The following ITFG1 variants were observed in gnomAD, a reference collection of about 807,000 sequenced individuals.
ITFG1 encodes the protein integrin alpha FG-GAP repeat containing 1, also known as T-cell immunomodulatory protein.
Under a neutral mutation model 81.8 loss-of-function variants are expected in ITFG1, and 34 were observed. The ratio of observed to expected loss-of-function variants is 0.42; its 90% CI spans 0.32 to 0.55. The LOEUF (loss-of-function observed/expected upper bound fraction) is 0.55. Among genes scored for constraint, ITFG1 ranks in the 20% least tolerant of loss-of-function variants. The pLI is 0.17. For synonymous variants in ITFG1, 285 were observed against 270.6 expected, an observed-to-expected ratio of 1.05 and a Z score of -0.52; for missense variants, 672 against 755.4, an observed-to-expected ratio of 0.89 and a Z score of 1.29.
intron 6 of ITFG1, among the ~76,000 whole-genome samples, chr16:47,411,402 CAGA>C (rs906405855): frequency 4.6e-5 from 7 of 152,194 alleles, no homozygotes; most frequent in Admixed American, 3.3e-4. Flanking sequence ...GGGAGGCCAC[CAGA>C]AGGAGACTGG....
At chr16:47,280,840 C>T (rs898178354) in intron 10 of ITFG1, among the ~76,000 whole-genome samples, 2 of 152,064 alleles carry the variant, frequency 1.3e-5, no homozygotes, top group Non-Finnish European at 1.5e-5. Context: ...GTAATGAAGC[C>T]TCCCTAAAAA....
intron 10 of ITFG1, among the ~76,000 whole-genome samples, chr16:47,295,955 G>A (rs547929746): frequency 6.6e-6 from 1 of 152,244 alleles, no homozygotes; most frequent in African/African-American, 2.4e-5. Context: ...TGAAGTGCAA[G>A]TGGCACAATC....
chr16:47,415,579 G>A lies in ITFG1; in HGVS notation c.655+13225C>T, dbSNP rs566060326. ...TAGGAAAAGCTAAAAATCAGTAATA[G>A]AAAAAACAGAAATGGTTTTCACATA... On this transcript the variant is annotated intron_variant, in intron 6 of 17. Coordinates refer to ENST00000320640, the MANE Select transcript of ITFG1 (RefSeq NM_030790.5). 3.9e-5 allele frequency among the ~76,000 whole-genome samples: 6 copies of A among 152,136 alleles called. No homozygotes were observed. In the South Asian group the frequency reaches 1.2e-3, roughly 32 times the overall value.
intron 14 of ITFG1, among the ~76,000 whole-genome samples, chr16:47,213,519 T>A (rs751592674): frequency 5.3e-5 from 8 of 152,186 alleles, no homozygotes; most frequent in Non-Finnish European, 1.0e-4. Context: ...CAACTATAAA[T>A]GTAGATTTGT....
intron 6 of ITFG1, among the ~76,000 whole-genome samples, chr16:47,383,280 A>G (rs938081409): frequency 1.3e-5 from 2 of 152,248 alleles, no homozygotes; most frequent in African/African-American, 4.8e-5. Flanking sequence ...CTGACTTCCC[A>G]TCAACTTTCA....
At chr16:47,201,117 CAA>C (rs1229545283) in intron 14 of ITFG1, among the ~76,000 whole-genome samples, 1 of 152,000 alleles carries the variant, frequency 6.6e-6, no homozygotes, top group African/African-American at 2.4e-5. Flanking sequence ...TAATGGGACT[CAA>C]ACACTTATTT....
chr16:47,303,193 C>T (rs1967103830), intron 10 of ITFG1, among the ~76,000 whole-genome samples: 1 of 152,060 alleles, frequency 6.6e-6, no homozygotes, highest in Non-Finnish European at 1.5e-5. Context: ...ATGGCGTGAA[C>T]CCAGGGGGCG....
At chr16:47,217,120 G>A (rs1021056123) in intron 14 of ITFG1, among the ~76,000 whole-genome samples, 2 of 149,144 alleles carry the variant, frequency 1.3e-5, no homozygotes, top group Non-Finnish European at 3.0e-5. Flanking sequence ...GATATGGAGA[G>A]ATGTACACAA....
intron 5 of ITFG1, among the ~76,000 whole-genome samples, chr16:47,434,888 A>T (rs991888636): frequency 1.3e-5 from 2 of 152,250 alleles, no homozygotes; most frequent in African/African-American, 4.8e-5. Flanking sequence ...ACATGAATGT[A>T]GCTGGAAGCC....
intron 6 of ITFG1, among the ~76,000 whole-genome samples, chr16:47,395,146 G>A (rs1330332084): frequency 1.3e-5 from 2 of 151,980 alleles, no homozygotes; most frequent in South Asian, 2.1e-4. Flanking sequence ...AGTATTAATA[G>A]ACTTTAGTTC....
intron 2 of ITFG1, among the ~76,000 whole-genome samples, chr16:47,456,641 G>A (rs1463906044): frequency 6.6e-6 from 1 of 150,546 alleles, no homozygotes; most frequent in East Asian, 2.0e-4. Context: ...CCAGTGAGCT[G>A]AGCTTGTGCC....
At chr16:47,216,131 C>T (rs917498861) in intron 14 of ITFG1, among the ~76,000 whole-genome samples, 9 of 151,826 alleles carry the variant, frequency 5.9e-5, no homozygotes, top group Admixed American at 5.9e-4. Context: ...GAATGGAGTT[C>T]AATACTAGTT....
chr16:47,432,120 G>A (rs1969103127), intron 5 of ITFG1, among the ~76,000 whole-genome samples: 1 of 152,126 alleles, frequency 6.6e-6, no homozygotes, highest in Admixed American at 6.6e-5. Context: ...CCAGGACCTG[G>A]CTCCCATGAA....
rs116077070 is a variant in ITFG1 at position 47,200,106 on chromosome 16, C to T, written c.1453+18762G>A. ...TTTCCTACCAGGCCAGGGACCCATACGGTCCAGGGGGTTGGGGACCCCTGG... is the reference window on the plus strand; with the variant it reads ...TTTCCTACCAGGCCAGGGACCCATATGGTCCAGGGGGTTGGGGACCCCTGG... On this transcript the variant is annotated intron_variant, in intron 14 of 17. Transcript: ENST00000320640. 3.1e-3 allele frequency among the ~76,000 whole-genome samples: 471 copies of T among 152,248 alleles called. 2 individuals are homozygous for T. The highest frequency in any genetic ancestry group is 0.011 in the African/African-American group (444 of 41,536).
chr16:47,342,541 A>G (rs1389888935), intron 8 of ITFG1, among the ~76,000 whole-genome samples: 1 of 152,070 alleles, frequency 6.6e-6, no homozygotes, highest in Non-Finnish European at 1.5e-5. Context: ...TAAAAATTGC[A>G]AAGAAAGAAA....
chr16:47,244,594 TGTGTG>T (rs1965975964), intron 12 of ITFG1, among the ~76,000 whole-genome samples: 2 of 1,076 alleles, frequency 1.9e-3, no homozygotes, highest in African/African-American at 3.4e-3. Flanking sequence ...CCATCTTTTG[TGTGTG>T]TGTGTGTGTG....
rs115205937 is a variant in ITFG1, at chr16:47,381,183, T to C, written c.656-5243A>G. 6.9e-3 allele frequency among the ~76,000 whole-genome samples: 1,057 copies of C among 152,252 alleles called. 15 individuals are homozygous for C. Among genetic ancestry groups the C allele is most frequent in the African/African-American group, 0.024 (1,012 of 41,548 alleles). ...GCCTCAGGAGTTTTAGAAACTTAAA[T>C]TGGAAGTCTAAATGAACTAAATCAT... On this transcript the variant is annotated intron_variant, in intron 6 of 17. Coordinates refer to ENST00000320640, the MANE Select transcript of ITFG1 (RefSeq NM_030790.5).
chr16:47,313,003 T>C (rs573664843), intron 9 of ITFG1: 1 of 152,322 alleles, frequency 6.6e-6, no homozygotes, highest in Non-Finnish European at 1.5e-5. Flanking sequence ...GTATAACAGT[T>C]AAATGTTTTC....
intron 13 of ITFG1, among the ~76,000 whole-genome samples, chr16:47,224,600 A>G (rs1965735790): frequency 6.6e-6 from 1 of 152,214 alleles, no homozygotes; most frequent in African/African-American, 2.4e-5. Flanking sequence ...AGGCAATGGG[A>G]GAAATCTGGG....
Sources: gnomAD v4.1 joint callset for allele counts (sites outside exome capture counted in the v4.1 genomes callset) on GRCh38, gnomAD v4.1.1 for gene constraint, MANE v1.5 for transcripts, NCBI Gene and HGNC (gene_info 2026-07-23, HGNC 2026-07-21) for gene names.